TMEM135: variants seen among roughly 807,000 people sequenced by gnomAD.
TMEM135 encodes transmembrane protein 135, also known as peroxisomal membrane protein 52.
In TMEM135, 30 loss-of-function variants were observed where a neutral mutation model predicts 60.3. That is an observed-to-expected ratio of 0.50 (90% CI 0.37 to 0.68). The LOEUF is 0.68. Ranked by LOEUF, TMEM135 falls within the 30% of genes least tolerant of loss-of-function variation. TMEM135 has a pLI of 0.00. For missense variants in TMEM135, 468 were observed against 548.8 expected (o/e 0.85, Z 1.47); for synonymous variants, 190 against 186.7 (o/e 1.02, Z -0.14).
intron 5 of TMEM135, among the ~76,000 whole-genome samples, chr11:87,196,851 T>A (rs995857295): frequency 4.6e-5 from 7 of 152,146 alleles, no homozygotes; most frequent in African/African-American, 1.7e-4. Flanking sequence ...ATTTAGAATT[T>A]TTTAAAAAGT....
chr11:87,099,072 C>T (rs138527163), intron 4 of TMEM135, among the ~76,000 whole-genome samples: 18 of 152,262 alleles, frequency 1.2e-4, no homozygotes, highest in Non-Finnish European at 2.2e-4. Flanking sequence ...TATGCCTGCA[C>T]GCTAGCATAC....
At chr11:87,102,704 GTATATATATGTATATA>G (rs1857486190) in intron 4 of TMEM135, among the ~76,000 whole-genome samples, 3 of 131,648 alleles carry the variant, frequency 2.3e-5, no homozygotes, top group South Asian at 2.2e-4. Context: ...ATATATATAT[GTATATATATGTATATA>G]TATATATGTA....
chr11:87,219,716 A>G (rs1591112984), intron 5 of TMEM135, among the ~76,000 whole-genome samples: 1 of 152,162 alleles, frequency 6.6e-6, no homozygotes, highest in East Asian at 1.9e-4. Flanking sequence ...GGGGGACACA[A>G]TCAGTTTTAT....
chr11:87,082,759 AT>A (rs1857017617), intron 3 of TMEM135, among the ~76,000 whole-genome samples: 1 of 152,200 alleles, frequency 6.6e-6, no homozygotes, highest in South Asian at 2.1e-4. Flanking sequence ...TTTAAATTTA[AT>A]GTCAGCAATA....
chr11:87,285,355 C>T (rs12294196), intron 6 of TMEM135, among the ~76,000 whole-genome samples: 55,729 of 152,070 alleles, frequency 0.37, 10,879 homozygotes, highest in Non-Finnish European at 0.43. Flanking sequence ...AAGAATGAAG[C>T]TGCAGACCCT....
At position 87,202,467 on chromosome 11, in the gene TMEM135, AC is replaced by A. The variant is rs551047666; in HGVS notation, c.463-34170del. 3.3e-5 allele frequency among the ~76,000 whole-genome samples: 5 copies of A among 151,974 alleles called. No homozygotes were observed. The South Asian group carries it at 6.2e-4, about 19-fold the overall frequency. ...CAGCCTCCTGAACAGCTGGGACTAC[AC>A]ACATGCCCTACCGTGTCCGGTTAAT... is the stretch of plus-strand genomic sequence containing the variant. On this transcript the variant is annotated intron_variant, in intron 5 of 14. Coordinates refer to ENST00000305494, the MANE Select transcript of TMEM135 (RefSeq NM_022918.4).
intron 4 of TMEM135, among the ~76,000 whole-genome samples, chr11:87,102,718 A>ATG (rs1225210812): frequency 5.0e-5 from 3 of 59,874 alleles, no homozygotes; most frequent in Admixed American, 3.2e-4. Context: ...ATATATGTAT[A>ATG]TATATATATG....
intron 4 of TMEM135, among the ~76,000 whole-genome samples, chr11:87,140,722 T>C (rs1591050319): frequency 6.6e-6 from 1 of 152,312 alleles, no homozygotes; most frequent in East Asian, 1.9e-4. Context: ...TCATAAATGT[T>C]TTCTCCAGTG....
At chr11:87,264,662 A>G (rs1485880085) in intron 6 of TMEM135, among the ~76,000 whole-genome samples, 2 of 151,936 alleles carry the variant, frequency 1.3e-5, no homozygotes, top group East Asian at 3.9e-4. Flanking sequence ...TTTAATCTCT[A>G]CAATGTAGTT....
At chr11:87,231,489 T>C (rs1452086740) in intron 5 of TMEM135, among the ~76,000 whole-genome samples, 1 of 152,190 alleles carries the variant, frequency 6.6e-6, no homozygotes, top group East Asian at 1.9e-4. Context: ...AAAGCAAGTC[T>C]TTAAAAGATC....
At chr11:87,150,294 C>T (rs1055952810) in intron 4 of TMEM135, among the ~76,000 whole-genome samples, 1 of 151,658 alleles carries the variant, frequency 6.6e-6, no homozygotes, top group Non-Finnish European at 1.5e-5. Context: ...TTCTTTTCTA[C>T]TGCTTCTAAC....
Position 87,212,636 on chromosome 11 carries a change from A to T in TMEM135, c.463-24002A>T, listed in dbSNP as rs563093767. 1.9e-4 allele frequency among the ~76,000 whole-genome samples: 29 copies of T among 152,108 alleles called. No individual in the cohort carries two copies. The South Asian group carries it at 6.0e-3, about 32-fold the overall frequency. On this transcript the variant is annotated intron_variant, in intron 5 of 14. Transcript: ENST00000305494. ...CAGGAGTTTGAGACCATCCTGGGCAACACCGCAAAACCCTGTCTGCACCAA... is the reference window on the plus strand; with the variant it reads ...CAGGAGTTTGAGACCATCCTGGGCATCACCGCAAAACCCTGTCTGCACCAA...
At chr11:87,238,961 C>T (rs149022163) in intron 6 of TMEM135, among the ~76,000 whole-genome samples, 3 of 152,120 alleles carry the variant, frequency 2.0e-5, no homozygotes, top group African/African-American at 7.2e-5. Flanking sequence ...ATTTCTTAGT[C>T]ATCAGAAGTT....
At position 87,152,024 on chromosome 11, in the gene TMEM135, C is replaced by A. The variant is rs533387728; in HGVS notation, c.397-5317C>A. On this transcript the variant is annotated intron_variant, in intron 4 of 14. Coordinates refer to ENST00000305494, the MANE Select transcript of TMEM135 (RefSeq NM_022918.4). ...AGGAGTCTAACTCCTTTTTAGACTG[C>A]TTTGCAGCCAATCCACCAGTTCTCA... Among the ~76,000 whole-genome samples, 273 of 152,272 alleles carry A rather than the reference C, an allele frequency of 1.8e-3. 4 individuals are homozygous for A. Among genetic ancestry groups the A allele is most frequent in the African/African-American group, 6.2e-3 (256 of 41,558 alleles).
intron 5 of TMEM135, among the ~76,000 whole-genome samples, chr11:87,234,655 A>G (rs1451633414): frequency 6.6e-6 from 1 of 152,022 alleles, no homozygotes; most frequent in Non-Finnish European, 1.5e-5. Flanking sequence ...AATTCGAAGT[A>G]TGATATTATT....
chr11:87,064,331 G>T (rs960596545), intron 1 of TMEM135, among the ~76,000 whole-genome samples: 1 of 149,132 alleles, frequency 6.7e-6, no homozygotes, highest in African/African-American at 2.5e-5. Context: ...ACATGCAGTT[G>T]TAAGAAGTAC....
At position 87,263,598 on chromosome 11, in the gene TMEM135, C is replaced by T. The variant is rs148519396; in HGVS notation, c.509+26914C>T. Among the ~76,000 whole-genome samples, 213 of 152,110 alleles carry T rather than the reference C, an allele frequency of 1.4e-3. 1 individual carries two copies. Among genetic ancestry groups the T allele is most frequent in the African/African-American group, 4.9e-3 (202 of 41,540 alleles). ...AAGCTGATTTAGTGTTCTTTTTAGT[C>T]CAGTATGTTGCAACATTTCATAAAT... is the stretch of plus-strand genomic sequence containing the variant. On this transcript the variant is annotated intron_variant, in intron 6 of 14. Coordinates refer to ENST00000305494, the MANE Select transcript of TMEM135 (RefSeq NM_022918.4).
At chr11:87,276,154 C>T (rs750925798) in intron 6 of TMEM135, among the ~76,000 whole-genome samples, 20 of 152,292 alleles carry the variant, frequency 1.3e-4, no homozygotes, top group Non-Finnish European at 2.5e-4. Flanking sequence ...CACTAACGCA[C>T]ATAAATCCTA....
intron 6 of TMEM135, among the ~76,000 whole-genome samples, chr11:87,246,436 C>G (rs1941273138): frequency 6.6e-6 from 1 of 152,096 alleles, no homozygotes; most frequent in Non-Finnish European, 1.5e-5. Context: ...GGATAATATC[C>G]TGCAGAGTGT....
Sources: allele counts gnomAD v4.1 joint callset (sites outside exome capture counted in the v4.1 genomes callset), GRCh38; gene constraint gnomAD v4.1.1; transcripts MANE v1.5; gene names NCBI Gene and HGNC (gene_info 2026-07-23, HGNC 2026-07-21).